Variants in ALCAM observed in about 807,000 individuals in gnomAD.
The protein encoded by ALCAM is CD166 antigen.
A neutral mutation model predicts 70.9 loss-of-function variants in ALCAM; 30 were observed. The observed-to-expected ratio is 0.42, with a 90% CI of 0.32 to 0.57. The LOEUF is 0.57. ALCAM is among the 20% of genes least tolerant of loss of function. ALCAM has a pLI of 0.11. For synonymous variants in ALCAM, 249 were observed against 242.5 expected, an observed-to-expected ratio of 1.03 and a Z score of -0.25; for missense variants, 591 against 695.1, an observed-to-expected ratio of 0.85 and a Z score of 1.68.
intron 1 of ALCAM, among the ~76,000 whole-genome samples, chr3:105,455,393 G>C (rs1241086223): frequency 6.8e-6 from 1 of 147,322 alleles, no homozygotes; most frequent in East Asian, 2.0e-4. Flanking sequence ...AGTGAGCCGA[G>C]AATGCGCCAC....
At chr3:105,568,036 AT>A (rs1055650282) in intron 14 of ALCAM, among the ~76,000 whole-genome samples, 7 of 140,366 alleles carry the variant, frequency 5.0e-5, no homozygotes, top group East Asian at 2.1e-4. Context: ...CTTTTATTTT[AT>A]TTTTTTTATT....
chr3:105,512,368 C>T (rs555406772), intron 1 of ALCAM, among the ~76,000 whole-genome samples: 38 of 151,778 alleles, frequency 2.5e-4, no homozygotes, highest in African/African-American at 8.0e-4. Flanking sequence ...AATGTTTTTA[C>T]GAATGCAGTA....
intron 1 of ALCAM, among the ~76,000 whole-genome samples, chr3:105,464,386 A>G (rs1937656873): frequency 1.3e-5 from 2 of 151,356 alleles, no homozygotes. Flanking sequence ...AATATTTTCT[A>G]TTTAACAAAG....
chr3:105,393,967 T>C (rs370654553), intron 1 of ALCAM, among the ~76,000 whole-genome samples: 1 of 151,956 alleles, frequency 6.6e-6, no homozygotes, highest in East Asian at 1.9e-4. Context: ...AATTGCAAAT[T>C]TGGAAAAGCA....
At chr3:105,424,910 CA>C (rs1407994194) in intron 1 of ALCAM, among the ~76,000 whole-genome samples, 2 of 151,716 alleles carry the variant, frequency 1.3e-5, no homozygotes, top group Admixed American at 1.3e-4. Context: ...GTAAATAAAT[CA>C]AAATGGAATA....
intron 1 of ALCAM, among the ~76,000 whole-genome samples, chr3:105,421,639 C>A (rs1475863027): frequency 1.3e-4 from 20 of 151,372 alleles, no homozygotes; most frequent in Non-Finnish European, 1.0e-4. Context: ...ATCCTAGGTT[C>A]CACAGCTGTG....
intron 1 of ALCAM, among the ~76,000 whole-genome samples, chr3:105,498,843 G>A (rs1394739513): frequency 2.0e-5 from 3 of 152,116 alleles, no homozygotes; most frequent in Non-Finnish European, 4.4e-5. Context: ...TGGGATACAA[G>A]AATGCAATAT....
chr3:105,509,061 T>C (rs1939162648), intron 1 of ALCAM, among the ~76,000 whole-genome samples: 1 of 152,172 alleles, frequency 6.6e-6, no homozygotes, highest in South Asian at 2.1e-4. Context: ...TTGTTGAGGC[T>C]GAGTAATATT....
intron 1 of ALCAM, among the ~76,000 whole-genome samples, chr3:105,381,375 C>CA (rs1935514803): frequency 6.6e-6 from 1 of 151,804 alleles, no homozygotes; most frequent in African/African-American, 2.4e-5. Context: ...TCTTTCCACT[C>CA]AAAAAAGAGA....
intron 6 of ALCAM, among the ~76,000 whole-genome samples, chr3:105,535,281 A>G (rs1305900862): frequency 6.6e-6 from 1 of 152,188 alleles, no homozygotes; most frequent in Non-Finnish European, 1.5e-5. Context: ...TAAATTGTGT[A>G]TTTGAAACAG....
intron 1 of ALCAM, chr3:105,513,457 G>A (rs201180466): frequency 2.4e-5 from 1 of 42,470 alleles, no homozygotes; most frequent in East Asian, 4.3e-3. Flanking sequence ...AATTTTAAGA[G>A]GGGACAATTT....
Position 105,519,500 on chromosome 3 carries a change from T to C in ALCAM, c.74-567T>C, listed in dbSNP as rs188910893. Reference sequence around the variant, plus strand: ...ATACAAAATTAAATTAGTATTTTAATTTATACTACTACAAAATAAGCCACT... The same window carrying C: ...ATACAAAATTAAATTAGTATTTTAACTTATACTACTACAAAATAAGCCACT... On this transcript the variant is annotated intron_variant, in intron 1 of 15. Coordinates refer to ENST00000306107, the MANE Select transcript of ALCAM (RefSeq NM_001627.4). Among the ~76,000 whole-genome samples, 467 of 152,204 alleles carry C rather than the reference T, an allele frequency of 3.1e-3. 3 individuals are homozygous for C. Among genetic ancestry groups the C allele is most frequent in the African/African-American group, 0.011 (440 of 41,568 alleles).
chr3:105,560,101 C>T (rs1418223476), intron 14 of ALCAM, among the ~76,000 whole-genome samples: 3 of 152,128 alleles, frequency 2.0e-5, no homozygotes, highest in Non-Finnish European at 4.4e-5. Context: ...GCTTGATCTT[C>T]CAGCAGACAT....
chr3:105,526,477 A>G (rs1256461742), intron 3 of ALCAM, among the ~76,000 whole-genome samples: 2 of 152,156 alleles, frequency 1.3e-5, no homozygotes, highest in East Asian at 3.9e-4. Flanking sequence ...CCTACCGCCA[A>G]CACCCCCCTA....
At chr3:105,397,218 G>A (rs887997081) in intron 1 of ALCAM, among the ~76,000 whole-genome samples, 3 of 151,968 alleles carry the variant, frequency 2.0e-5, no homozygotes, top group Non-Finnish European at 1.5e-5. Context: ...GGCAATGTGA[G>A]TTTAAGCTTT....
At chr3:105,371,172 AAAG>A (rs1935219885) in intron 1 of ALCAM, among the ~76,000 whole-genome samples, 1 of 152,190 alleles carries the variant, frequency 6.6e-6, no homozygotes, top group African/African-American at 2.4e-5. Context: ...GACTTATCAA[AAAG>A]AAGAAAATTA....
chr3:105,488,016 T>A (rs1007486794), intron 1 of ALCAM, among the ~76,000 whole-genome samples: 1 of 152,152 alleles, frequency 6.6e-6, no homozygotes, highest in African/African-American at 2.4e-5. Context: ...AGATTTTTCA[T>A]CAATAGATTA....
intron 14 of ALCAM, among the ~76,000 whole-genome samples, chr3:105,563,966 C>T (rs1004677120): frequency 2.0e-5 from 3 of 152,088 alleles, no homozygotes; most frequent in South Asian, 2.1e-4. Context: ...GGACTACAGG[C>T]GTGAGCCACC....
At chr3:105,565,108 A>C (rs1288604063) in intron 14 of ALCAM, among the ~76,000 whole-genome samples, 6 of 152,186 alleles carry the variant, frequency 3.9e-5, no homozygotes, top group Non-Finnish European at 2.9e-5. Context: ...CTATAATTGT[A>C]CCACTGAACT....
Sources: allele counts gnomAD v4.1 joint callset (sites outside exome capture counted in the v4.1 genomes callset), GRCh38; gene constraint gnomAD v4.1.1; transcripts MANE v1.5; gene names NCBI Gene and HGNC (gene_info 2026-07-23, HGNC 2026-07-21).